IRF3: variants seen among roughly 807,000 people sequenced by gnomAD.
IRF3 encodes interferon regulatory factor 3.
In IRF3, 29 loss-of-function variants were observed where a neutral mutation model predicts 43.2. The ratio of observed to expected loss-of-function variants is 0.67; its 90% CI spans 0.50 to 0.91. The LOEUF (loss-of-function observed/expected upper bound fraction) is 0.91, where lower values mean the gene tolerates loss of function less well. Ranked by LOEUF, IRF3 falls within the 40% of genes least tolerant of loss-of-function variation. The pLI, the probability that IRF3 is intolerant of heterozygous loss-of-function variation, is 0.00. For synonymous variants in IRF3, 228 were observed against 233.9 expected, an observed-to-expected ratio of 0.97 and a Z score of 0.23; for missense variants, 505 against 559.1, an observed-to-expected ratio of 0.90 and a Z score of 0.98.
At chr19:49,665,577 C>G in intron 1 of IRF3, 54 bp downstream of exon 1, 1 of 517,274 alleles carries the variant, frequency 1.9e-6, no homozygotes, top group Non-Finnish European at 3.5e-6. Context: ...CATCCTCTTT[C>G]CCGCTCCTCG....
At chr19:49,660,644 T>G in intron 7 of IRF3, 69 bp downstream of exon 7, 1 of 1,436,614 alleles carries the variant, frequency 7.0e-7, no homozygotes, top group Non-Finnish European at 9.2e-7. Context: ...GAGTTGGAGT[T>G]CCTGGGAGCA....
Position 49,665,836 on chromosome 19 carries a change from G to T in IRF3, c.-214C>A, listed in dbSNP as rs1226742962. On this transcript the variant is annotated 5_prime_UTR_variant, in exon 1 of 8. Transcript: ENST00000377139. ...GACCCAAAAGCCGATGGGACGGCCCGCTGGGCTGTTCCCGCCCCTATGCCC... is the reference window on the plus strand; with the variant it reads ...GACCCAAAAGCCGATGGGACGGCCCTCTGGGCTGTTCCCGCCCCTATGCCC... The T allele has an allele frequency of 8.8e-6, 14 of 1,596,684 alleles. No individual in the cohort carries two copies. The highest frequency in any genetic ancestry group is 1.2e-5 in the Non-Finnish European group (14 of 1,165,902).
In IRF3 at chr19:49,663,240, TG is replaced by T; in HGVS notation, c.355del (p.Gln119SerfsTer44). On this transcript the variant is annotated frameshift_variant, in exon 4 of 8. Transcript: ENST00000377139. LOFTEE classifies it high-confidence loss of function. The part of the protein sequence containing the change: ...FVNSGVGDFS[Q>X]PDTSPDTNGG... ...ATTGGTGTCCGGAGAGGTGTCTGGC[TG>T]GGAAAAGTCCCCAACTCCTGTTGAG... 6.2e-7 allele frequency: 1 copy of T among 1,614,100 alleles called. No homozygotes were observed. Among genetic ancestry groups the T allele is most frequent in the Non-Finnish European group, 8.5e-7 (1 of 1,180,006 alleles).
intron 2 of IRF3, chr19:49,664,382 C>G (rs2081528811): frequency 2.4e-6 from 3 of 1,256,776 alleles, no homozygotes; most frequent in Non-Finnish European, 2.2e-6. Context: ...ATCCTACAAC[C>G]AAGAGCCCCG....
At position 49,662,433 on chromosome 19, in the gene IRF3, G is replaced by A. The variant is rs368547797; in HGVS notation, c.593C>T (p.Pro198Leu). 4.1e-5 allele frequency: 65 copies of A among 1,594,858 alleles called. No individual in the cohort carries two copies. Among genetic ancestry groups the A allele is most frequent in the Admixed American group, 1.2e-4 (7 of 57,032 alleles). Reference sequence around the variant, plus strand: ...CTGCAGCTGACACTCACCTTCCCCCGGCACCAACAGCCGCTTCAGTGGGTT... The same window carrying A: ...CTGCAGCTGACACTCACCTTCCCCCAGCACCAACAGCCGCTTCAGTGGGTT... The part of the protein sequence containing the change: ...SENPLKRLLV[P>L]GEEWEFEVTA... The change falls in exon 5 of 8, where the codon CCG becomes CTG. Residue 198 changes from proline to leucine, a missense_variant. By Grantham distance (98) the Pro-to-Leu change is moderately conservative (BLOSUM62 -3). Transcript: ENST00000377139.
At position 49,660,725 on chromosome 19, in the gene IRF3, G is replaced by A. The variant is rs758132806; in HGVS notation, c.1086C>T (p.Leu362=). Residue 362 remains leucine, a synonymous_variant, in exon 7 of 8, where the codon CTC becomes CTT. Coordinates refer to ENST00000377139, the MANE Select transcript of IRF3 (RefSeq NM_001571.6). ...GGTCTGCAGGCACCTTGACCATCAC[G>A]AGCCTCTTGGTCCACGGCTGGTCCT... ...WPQDQPWTKR[L]VMVKVVPTCL... 5 of 1,603,452 alleles carry A rather than the reference G, an allele frequency of 3.1e-6. No individual in the cohort carries two copies. The highest frequency in any genetic ancestry group is 1.3e-5 in the African/African-American group (1 of 74,850).
intron 7 of IRF3, among the ~76,000 whole-genome samples, 177 bp from the exon 8 acceptor site, chr19:49,660,010 CA>C (rs2081224013): frequency 8.2e-6 from 1 of 122,436 alleles, no homozygotes; most frequent in Non-Finnish European, 1.6e-5. Context: ...CACACACACA[CA>C]CACACACACA....
Position 49,665,629 on chromosome 19 carries a change from A to C in IRF3, c.-9+2T>G, listed in dbSNP as rs1339203519. On this transcript the variant is annotated splice_donor_variant, in intron 1 of 7. Coordinates refer to ENST00000377139, the MANE Select transcript of IRF3 (RefSeq NM_001571.6). LOFTEE classifies it low-confidence loss of function (5UTR_SPLICE). ...ACGCTCTCCCGGGCTCTTCCGCGTT[A>C]CCTACGATGGAAGGTCGGGGCGTGC... The C allele has an allele frequency of 1.5e-6, 1 of 665,766 alleles. No individual in the cohort carries two copies. The highest frequency in any genetic ancestry group is 2.5e-6 in the Non-Finnish European group (1 of 402,900). The allele number at this position is 665,766 out of a possible 1,614,324, so 41.2% of individuals were successfully genotyped here.
rs551453557 is a variant in IRF3 at position 49,664,752 on chromosome 19, C to G, written c.87G>C (p.Lys29Asn). ...AAGGGATGCGGAAGCGCGTGCGGCT[C>G]TTGTTCACCCAGGCCACGCCCTCCA... ...GQLEGVAWVN[K>N]SRTRFRIPWK... The change falls in exon 2 of 8, where the codon AAG (lysine) becomes AAC (asparagine). Residue 29 changes from lysine to asparagine, a missense_variant. Lys to Asn is a moderately conservative substitution (Grantham distance 94). Transcript: ENST00000377139. 27 of 1,614,062 alleles carry G rather than the reference C, an allele frequency of 1.7e-5. No individual in the cohort carries two copies. The highest frequency in any genetic ancestry group is 3.3e-4 in the Middle Eastern group (2 of 6,062).
At chr19:49,660,684 C>T (rs1385968432) in intron 7 of IRF3, 29 bp downstream of exon 7, 13 of 1,540,536 alleles carry the variant, frequency 8.4e-6, no homozygotes, top group Non-Finnish European at 7.0e-6. Context: ...CCACCCCTTT[C>T]AGCCCCAGGG....
Position 49,662,680 on chromosome 19 carries a change from G to A in IRF3, c.409-63C>T, listed in dbSNP as rs945436294. 3 of 1,328,412 alleles carry A rather than the reference G, an allele frequency of 2.3e-6. No homozygotes were observed. The East Asian group carries it at 7.6e-5, about 33-fold the overall frequency. The allele number at this position is 1,328,412 out of a possible 1,614,324, so 82.3% of individuals were successfully genotyped here. A position where few individuals can be genotyped will look rare whatever the true frequency, so the allele number is the denominator to read the frequency against. The stretch of plus-strand genomic sequence containing the variant: ...TATCCTTTTCTGGAGACTTCATATG[G>A]ACCAGGTCTGTTCTCAGCAACGCAG... On this transcript the variant is annotated intron_variant, in intron 4 of 7. Coordinates refer to ENST00000377139, the MANE Select transcript of IRF3 (RefSeq NM_001571.6).
At position 49,665,511 on chromosome 19, in the gene IRF3, C is replaced by CCTTG. The variant is rs375175839; in HGVS notation, c.-9+116_-9+119dup. On this transcript the variant is annotated intron_variant, in intron 1 of 7. Coordinates refer to ENST00000377139, the MANE Select transcript of IRF3 (RefSeq NM_001571.6). ...CCAGCGTCGGCCACTGTAGCTCCTTCCTTGCTCCACTTTCCCCAGAGTACA... is the reference window on the plus strand; with the variant it reads ...CCAGCGTCGGCCACTGTAGCTCCTTCCTTGCTTGCTCCACTTTCCCCAGAGTACA... 507 of 290,220 alleles carry CCTTG rather than the reference C, an allele frequency of 1.7e-3. 1 individual carries two copies. The highest frequency in any genetic ancestry group is 0.01 in the African/African-American group (467 of 46,536). 18.0% of individuals were successfully genotyped at this position (290,220 alleles called of 1,614,324 possible).
At position 49,662,527 on chromosome 19, in the gene IRF3, A is replaced by G. The variant is rs897364474; in HGVS notation, c.499T>C (p.Cys167Arg). 6.5e-7 allele frequency: 1 copy of G among 1,543,468 alleles called. No homozygotes were observed. The highest frequency in any genetic ancestry group is 2.3e-5 in the Admixed American group (1 of 44,034). ...PPSLAVAPEP[C>R]PQPLRSPSLD... ...CTGGGGCTCCGCAGGGGCTGAGGGC[A>G]GGGCTCAGGGGCTACAGCCAGGCTT... The change falls in exon 5 of 8, where the codon TGC becomes CGC. Residue 167 changes from cysteine (C) to arginine (R), a missense_variant. Transcript: ENST00000377139.
intron 6 of IRF3, 68 bp downstream of exon 6, chr19:49,661,880 A>G (rs546707378): frequency 2.0e-6 from 3 of 1,527,370 alleles, no homozygotes; most frequent in Non-Finnish European, 2.6e-6. Flanking sequence ...TGCCCGGCCA[A>G]TCCTGAGTTG....
In IRF3 at chr19:49,659,618, G is replaced by A. The variant is rs370098271; in HGVS notation, c.*30C>T. 1 of 1,595,342 alleles carries A rather than the reference G, an allele frequency of 6.3e-7. No homozygotes were observed. The highest frequency in any genetic ancestry group is 8.5e-7 in the Non-Finnish European group (1 of 1,171,006). On this transcript the variant is annotated 3_prime_UTR_variant, in exon 8 of 8. Coordinates refer to ENST00000377139, the MANE Select transcript of IRF3 (RefSeq NM_001571.6). ...TGGTTGAGGTGGTGGGGAACAGGGGGGTTGGAGGCACACCATGAGGAGCGA... is the reference window on the plus strand; with the variant it reads ...TGGTTGAGGTGGTGGGGAACAGGGGAGTTGGAGGCACACCATGAGGAGCGA...
At chr19:49,661,769 TG>T in intron 6 of IRF3, 178 bp downstream of exon 6, 1 of 702,656 alleles carries the variant, frequency 1.4e-6, no homozygotes, top group Non-Finnish European at 2.4e-6. Flanking sequence ...TTAGTAGAGA[TG>T]GGGTTTCACT....
At chr19:49,662,647 C>T (rs1416565750) in intron 4 of IRF3, 30 bp from the exon 5 acceptor site, 2 of 1,501,592 alleles carry the variant, frequency 1.3e-6, no homozygotes, top group Non-Finnish European at 9.0e-7. Flanking sequence ...GAGAATCAGG[C>T]ATTTCCATAT....
chr19:49,664,571 G>T, intron 2 of IRF3, 103 bp downstream of exon 2: 2 of 1,374,250 alleles, frequency 1.5e-6, no homozygotes, highest in Non-Finnish European at 1.9e-6. Context: ...GCACGAGCCC[G>T]CCCCTCGCGC....
Position 49,663,383 on chromosome 19 carries a change from G to C in IRF3, c.297C>G (p.Asp99Glu). The stretch of plus-strand genomic sequence containing the variant: ...CGTAGATTTTATGTGGGTCGTGAGG[G>C]TCCTTGCTCCGGTCCTCTGCTAAAC... ...GLRLAEDRSKDPHDPHKIYEF... is the reference protein window; with the variant it reads ...GLRLAEDRSKEPHDPHKIYEF... Residue 99 changes from aspartate to glutamate, a missense_variant, in exon 3 of 8, where the codon GAC (aspartate) becomes GAG (glutamate). Transcript: ENST00000377139. 1 of 1,614,232 alleles carries C rather than the reference G, an allele frequency of 6.2e-7. No individual in the cohort carries two copies. The highest frequency in any genetic ancestry group is 8.5e-7 in the Non-Finnish European group (1 of 1,180,040).
Sources: gnomAD v4.1 joint callset for allele counts (sites outside exome capture counted in the v4.1 genomes callset) on GRCh38, gnomAD v4.1.1 for gene constraint, MANE v1.5 for transcripts, NCBI Gene and HGNC (gene_info 2026-07-23, HGNC 2026-07-21) for gene names.